Variants in ACOXL observed in about 807,000 individuals in gnomAD.
ACOXL encodes the protein acyl-CoA oxidase like.
A neutral mutation model predicts 71.9 loss-of-function variants in ACOXL; 70 were observed. That is an observed-to-expected ratio of 0.97 (90% confidence interval 0.80 to 1.19). The LOEUF is 1.19. Among genes scored for constraint, ACOXL ranks in the 50% most tolerant of loss-of-function variants. ACOXL has a pLI of 0.00. For synonymous variants in ACOXL, 253 were observed against 281.6 expected, an observed-to-expected ratio of 0.90 and a Z score of 1.02; for missense variants, 703 against 736.3, an observed-to-expected ratio of 0.95 and a Z score of 0.52.
At chr2:110,781,637 T>G (rs978049879) in intron 2 of ACOXL, among the ~76,000 whole-genome samples, 10 of 150,554 alleles carry the variant, frequency 6.6e-5, no homozygotes, top group African/African-American at 2.4e-4. Context: ...TGATACTCCA[T>G]CTCAAAAATA....
At chr2:111,099,359 T>C (rs947482764) in intron 17 of ACOXL, 3 of 152,256 alleles carry the variant, frequency 2.0e-5, no homozygotes, top group Admixed American at 6.5e-5. Flanking sequence ...TTCATTCTTA[T>C]ATCATCCTCA....
chr2:110,873,852 C>G (rs189046054), intron 10 of ACOXL, among the ~76,000 whole-genome samples: 5 of 152,336 alleles, frequency 3.3e-5, no homozygotes, highest in Admixed American at 3.3e-4. Context: ...TGGGGCCACC[C>G]CAGGTTTTGA....
At chr2:110,973,764 A>G (rs1423695314) in intron 12 of ACOXL, among the ~76,000 whole-genome samples, 1 of 152,164 alleles carries the variant, frequency 6.6e-6, no homozygotes, top group Non-Finnish European at 1.5e-5. Flanking sequence ...ATGCATTTCC[A>G]TAAAGGCCTG....
chr2:110,757,964 C>G (rs990492288), intron 1 of ACOXL, among the ~76,000 whole-genome samples: 6 of 152,192 alleles, frequency 3.9e-5, no homozygotes, highest in African/African-American at 1.2e-4. Flanking sequence ...AAAATCTTTG[C>G]CCATGCCTAT....
intron 16 of ACOXL, among the ~76,000 whole-genome samples, chr2:111,050,687 T>C (rs941847632): frequency 6.6e-6 from 1 of 152,164 alleles, no homozygotes; most frequent in African/African-American, 2.4e-5. Flanking sequence ...CCCTGGAGGT[T>C]ACATGGGCAT....
intron 10 of ACOXL, among the ~76,000 whole-genome samples, chr2:110,870,229 C>T (rs985215123): frequency 5.3e-5 from 8 of 152,230 alleles, no homozygotes; most frequent in African/African-American, 1.9e-4. Context: ...CTGGACAGCA[C>T]AGAGCATCCC....
intron 1 of ACOXL, among the ~76,000 whole-genome samples, chr2:110,735,563 C>G (rs973534396): frequency 9.2e-5 from 14 of 152,346 alleles, no homozygotes; most frequent in Admixed American, 2.6e-4. Flanking sequence ...AGGAGGAGTT[C>G]ATTCCCAGGG....
intron 11 of ACOXL, 43 bp from the exon 12 acceptor site, chr2:110,933,446 C>G: frequency 6.3e-7 from 1 of 1,593,346 alleles, no homozygotes; most frequent in Middle Eastern, 1.7e-4. Flanking sequence ...CATGTGCTGA[C>G]TGCACCGCCA....
chr2:111,065,729 G>A (rs995924579), intron 16 of ACOXL, among the ~76,000 whole-genome samples: 2 of 152,194 alleles, frequency 1.3e-5, no homozygotes, highest in African/African-American at 4.8e-5. Flanking sequence ...TCACTCATGA[G>A]GCTAGAGACG....
In ACOXL at chr2:110,783,397, A is replaced by G. The variant is rs528192539; in HGVS notation, c.76-1335A>G. On this transcript the variant is annotated intron_variant, in intron 2 of 17. Coordinates refer to ENST00000439055, the MANE Select transcript of ACOXL (RefSeq NM_001142807.4). ...AGATATTTTAGGAAATAATCAATACAAGATGCATTGGGTTGGAGCCATGGT... is the reference window on the plus strand; with the variant it reads ...AGATATTTTAGGAAATAATCAATACGAGATGCATTGGGTTGGAGCCATGGT... Among the ~76,000 whole-genome samples the G allele has an allele frequency of 3.9e-5, 6 of 152,344 alleles. No homozygotes were observed. In the South Asian group the frequency reaches 1.2e-3, roughly 32 times the overall value.
At chr2:110,798,909 G>C (rs1000270732) in intron 6 of ACOXL, 105 bp from the exon 7 acceptor site, 2 of 1,291,520 alleles carry the variant, frequency 1.5e-6, no homozygotes, top group African/African-American at 1.5e-5. Context: ...GTGCACAGTT[G>C]TAGAACTGAA....
chr2:110,815,548 T>A (rs1687816574), intron 9 of ACOXL, among the ~76,000 whole-genome samples: 1 of 152,316 alleles, frequency 6.6e-6, no homozygotes, highest in African/African-American at 2.4e-5. Context: ...TTTTCATATT[T>A]AAAATGTATG....
intron 11 of ACOXL, 54 bp downstream of exon 11, chr2:110,908,959 G>T: frequency 7.6e-7 from 1 of 1,321,290 alleles, no homozygotes; most frequent in South Asian, 1.3e-5. Context: ...ACCCTGGCAT[G>T]AGTAAGAATT....
At chr2:110,942,879 G>A (rs1216537535) in intron 12 of ACOXL, among the ~76,000 whole-genome samples, 1 of 135,122 alleles carries the variant, frequency 7.4e-6, no homozygotes, top group East Asian at 2.2e-4. Context: ...GTGTGACCCT[G>A]AAAAAAAAAG....
In ACOXL at chr2:110,887,019, G is replaced by A. The variant is rs1160798151; in HGVS notation, c.789-21770G>A. ...TGTGGCAAGATGTCTGCAGAGTGCC[G>A]CTTAGGAGATGCTGGCCTGGCGTCC... On this transcript the variant is annotated intron_variant, in intron 10 of 17. Transcript: ENST00000439055. 22 of 755,298 alleles carry A rather than the reference G, an allele frequency of 2.9e-5. 1 individual carries two copies. The highest frequency in any genetic ancestry group is 2.0e-4 in the South Asian group (10 of 50,888). 46.8% of individuals were successfully genotyped at this position (755,298 alleles called of 1,614,324 possible).
rs1321042763 is a variant in ACOXL, at chr2:110,987,111, G to A, written c.1063G>A (p.Val355Met). 1 of 1,565,656 alleles carries A rather than the reference G, an allele frequency of 6.4e-7. No individual in the cohort carries two copies. The highest frequency in any genetic ancestry group is 1.4e-5 in the African/African-American group (1 of 74,040). Reference protein sequence around the residue: ...DCRECTGGMVVGRELLAQYTK... With the variant: ...DCRECTGGMVMGRELLAQYTK... ...GAGCGATAAACTCTTTGCACAGGTT[G>A]TGGGGCGGGAACTGCTGGCCCAATA... Residue 355 changes from valine (V) to methionine (M), a missense_variant, in exon 13 of 18, where the codon GTG (valine) becomes ATG (methionine). Val to Met is a conservative substitution (Grantham distance 21). Coordinates refer to ENST00000439055, the MANE Select transcript of ACOXL (RefSeq NM_001142807.4).
intron 13 of ACOXL, among the ~76,000 whole-genome samples, chr2:110,989,112 C>T (rs1405507066): frequency 6.6e-6 from 1 of 152,090 alleles, no homozygotes; most frequent in South Asian, 2.1e-4. Flanking sequence ...ATCTTTAAAA[C>T]TTTGAAAGTC....
chr2:110,841,455 T>C (rs762357458), intron 10 of ACOXL, 50 bp downstream of exon 10: 2 of 1,495,542 alleles, frequency 1.3e-6, no homozygotes, highest in Non-Finnish European at 9.2e-7. Flanking sequence ...TACCAGTTTA[T>C]AGCTCTTGGT....
chr2:110,938,839 CTTT>C lies in ACOXL; in HGVS notation c.1059+5207_1059+5209del, dbSNP rs34333677. Among the ~76,000 whole-genome samples, 62 of 148,122 alleles carry C rather than the reference CTTT, an allele frequency of 4.2e-4. 2 individuals carry two copies. The highest frequency in any genetic ancestry group is 4.0e-3 in the Admixed American group (60 of 14,854). On this transcript the variant is annotated intron_variant, in intron 12 of 17. Coordinates refer to ENST00000439055, the MANE Select transcript of ACOXL (RefSeq NM_001142807.4). ...CTTTATTATTTTTTTACCCTGAACA[CTTT>C]TTTTTTTTTAAAAAAACATGATTTT...
Sources: allele counts gnomAD v4.1 joint callset (sites outside exome capture counted in the v4.1 genomes callset), GRCh38; gene constraint gnomAD v4.1.1; transcripts MANE v1.5; gene names NCBI Gene and HGNC (gene_info 2026-07-23, HGNC 2026-07-21).